The following NIBAN3 variants were observed in gnomAD, a reference collection of about 807,000 sequenced individuals.
The protein encoded by NIBAN3 is protein Niban 3.
NIBAN3 carries 66 observed loss-of-function variants against 76.4 expected under a neutral mutation model. The observed-to-expected ratio is 0.86, with a 90% CI of 0.71 to 1.06. NIBAN3 has a LOEUF of 1.06. Ranked by LOEUF, NIBAN3 falls within the 50% of genes least tolerant of loss-of-function variation. NIBAN3 has a pLI of 0.00. For synonymous variants in NIBAN3, 360 were observed against 355.2 expected, an observed-to-expected ratio of 1.01 and a Z score of -0.15; for missense variants, 808 against 810.7, an observed-to-expected ratio of 1.00 and a Z score of 0.04.
Position 17,542,898 on chromosome 19 carries a change from G to T in NIBAN3, c.1330-419G>T, listed in dbSNP as rs781063336. 5.9e-5 allele frequency among the ~76,000 whole-genome samples: 9 copies of T among 152,154 alleles called. No individual in the cohort carries two copies. Among genetic ancestry groups the T allele is most frequent in the Non-Finnish European group, 1.3e-4 (9 of 68,024 alleles). On this transcript the variant is annotated intron_variant, in intron 10 of 14. Transcript: ENST00000599164. This position sits in a 1 kb window ranked among gnomAD's most constrained non-coding sequence, Gnocchi z 4.8. ...GGATGGGGGATGTCAGTGGGGAGAA[G>T]CAATAAGTGTTTTGAAGTCTGAGAT...
downstream of NIBAN3, chr19:17,553,672 G>A (rs533850224): frequency 2.1e-5 from 19 of 918,770 alleles, no homozygotes; most frequent in South Asian, 2.1e-4. Flanking sequence ...CTTTTACCCC[G>A]GACGGGATGT....
At chr19:17,541,991 A>C in intron 9 of NIBAN3, 145 bp from the exon 10 acceptor site, 7 of 977,616 alleles carry the variant, frequency 7.2e-6, no homozygotes, top group East Asian at 2.6e-5. Flanking sequence ...GCCCACCACT[A>C]TTGTATTATG....
downstream of NIBAN3, chr19:17,555,475 C>G (rs1189293204): frequency 4.0e-6 from 1 of 251,946 alleles, no homozygotes; most frequent in East Asian, 1.0e-4. Context: ...CCCTTCCACG[C>G]GCTCCGAGCG....
intron 4 of NIBAN3, 46 bp downstream of exon 4, chr19:17,533,747 T>C: frequency 7.3e-7 from 1 of 1,376,154 alleles, no homozygotes; most frequent in Non-Finnish European, 1.0e-6. Context: ...CACCCCAGCA[T>C]CATTAACATG....
Position 17,530,835 on chromosome 19 carries a change from C to T in NIBAN3, c.136C>T (p.Arg46Ter), listed in dbSNP as rs755147076. The T allele has an allele frequency of 2.2e-5, 36 of 1,613,600 alleles. No individual in the cohort carries two copies. The highest frequency in any genetic ancestry group is 4.5e-5 in the East Asian group (2 of 44,842). Residue 46 changes from arginine to a stop codon, truncating the protein, a stop_gained, in exon 2 of 15, where the codon CGA becomes TGA. Coordinates refer to ENST00000599164, the MANE Select transcript of NIBAN3 (RefSeq NM_001321827.2). LOFTEE classifies it high-confidence loss of function. ...LAASVLRQIS[R>*]ELGPQEPTGS... ...AGCGTCTGTCCTGCGGCAGATCTCT[C>T]GAGAGCTGGGCCCTCAGGAGCCGAC...
upstream of NIBAN3, among the ~76,000 whole-genome samples, chr19:17,525,744 G>A (rs879653228): frequency 1.1e-3 from 169 of 152,290 alleles, no homozygotes; most frequent in African/African-American, 3.7e-3. Context: ...GGCAATGGGA[G>A]AGCTTCGGGA....
chr19:17,555,228 C>T (rs2076202176), downstream of NIBAN3, among the ~76,000 whole-genome samples: 2 of 152,180 alleles, frequency 1.3e-5, no homozygotes, highest in Admixed American at 1.3e-4. Context: ...CTCCACAACC[C>T]TCAATGACAT....
Position 17,532,257 on chromosome 19 carries a change from C to T in NIBAN3, c.187-6C>T, listed in dbSNP as rs774276867. ...CCCTGACACCCACTGCTCCCTCTTT[C>T]TGCAGAAGCTGCCCCGAGTCCGTGA... On this transcript the variant is annotated splice_region_variant and splice_polypyrimidine_tract_variant and intron_variant, in intron 2 of 14. Coordinates refer to ENST00000599164, the MANE Select transcript of NIBAN3 (RefSeq NM_001321827.2). The T allele has an allele frequency of 1.2e-6, 2 of 1,605,434 alleles. No homozygotes were observed. Among genetic ancestry groups the T allele is most frequent in the South Asian group, 1.1e-5 (1 of 89,948 alleles).
upstream of NIBAN3, chr19:17,527,119 C>G: frequency 1.7e-6 from 2 of 1,184,260 alleles, no homozygotes; most frequent in Non-Finnish European, 2.3e-6. Context: ...ACAACCTAAC[C>G]CCGGGGCTGT....
downstream of NIBAN3, among the ~76,000 whole-genome samples, chr19:17,554,929 C>CAA (rs539980884): frequency 3.3e-5 from 3 of 92,114 alleles, no homozygotes; most frequent in East Asian, 7.1e-4. Context: ...GACTCCGTCT[C>CAA]AAAAAAAAAA....
At chr19:17,525,699 G>A (rs189689522), upstream of NIBAN3, among the ~76,000 whole-genome samples, 4 of 152,206 alleles carry the variant, frequency 2.6e-5, no homozygotes, top group Admixed American at 6.5e-5. Context: ...CTCTTGGAGC[G>A]ATGAGGCTGG....
Position 17,528,543 on chromosome 19 carries a change from C to T in NIBAN3, c.55+1148C>T, listed in dbSNP as rs549403746. ...AGCGGGCAGGGACCAGCAGGCCCCT[C>T]GGTAGGACCCTGGGGATGGAGGCTC... is the stretch of plus-strand genomic sequence containing the variant. On this transcript the variant is annotated intron_variant, in intron 1 of 14. Transcript: ENST00000599164. Among the ~76,000 whole-genome samples, 14 of 152,260 alleles carry T rather than the reference C, an allele frequency of 9.2e-5. No homozygotes were observed. The East Asian group carries it at 2.1e-3, about 23-fold the overall frequency.
At chr19:17,551,094 T>G (rs2076147694) in intron 14 of NIBAN3, among the ~76,000 whole-genome samples, 1 of 151,790 alleles carries the variant, frequency 6.6e-6, no homozygotes, top group African/African-American at 2.4e-5. Context: ...TTCTTTTTAT[T>G]TATTTATTTA....
Position 17,537,370 on chromosome 19 carries a change from T to C in NIBAN3, c.428-6T>C. 1 of 1,612,472 alleles carries C rather than the reference T, an allele frequency of 6.2e-7. No individual in the cohort carries two copies. The highest frequency in any genetic ancestry group is 1.3e-5 in the African/African-American group (1 of 74,986). On this transcript the variant is annotated splice_region_variant and splice_polypyrimidine_tract_variant and intron_variant, in intron 4 of 14. Transcript: ENST00000599164. Reference sequence around the variant, plus strand: ...CTAGAAGATGCGACCTCCTGTTTGTTTTCAGGAGACCATACTCAGGAAGAG... The same window carrying C: ...CTAGAAGATGCGACCTCCTGTTTGTCTTCAGGAGACCATACTCAGGAAGAG...
At chr19:17,540,357 G>A (rs528871691) in intron 8 of NIBAN3, 35 bp from the exon 9 acceptor site, 1 of 1,404,004 alleles carries the variant, frequency 7.1e-7, no homozygotes, top group Non-Finnish European at 9.4e-7. Context: ...GGCACCTTGC[G>A]GAGGGGACTC....
chr19:17,551,541 G>A (rs1209519303), intron 14 of NIBAN3, among the ~76,000 whole-genome samples: 4 of 151,894 alleles, frequency 2.6e-5, no homozygotes, highest in Non-Finnish European at 5.9e-5. Context: ...CCGAGTAGCT[G>A]GGATTACAGG....
upstream of NIBAN3, chr19:17,527,211 T>TGGGGCAGGGGC (rs1267016766): frequency 3.7e-5 from 55 of 1,486,204 alleles, no homozygotes; most frequent in African/African-American, 7.7e-4. Context: ...CAGCGTGGGG[T>TGGGGCAGGGGC]GGGGCAGGGG....
chr19:17,537,981 TGGG>T (rs1244019462), intron 5 of NIBAN3, among the ~76,000 whole-genome samples: 1 of 150,760 alleles, frequency 6.6e-6, no homozygotes, highest in Non-Finnish European at 1.5e-5. Flanking sequence ...AATGGGTTGT[TGGG>T]GGAGCCAGAA....
In NIBAN3 at chr19:17,533,583, G is replaced by A. The variant is rs1458411697; in HGVS notation, c.313-4G>A. On this transcript the variant is annotated splice_polypyrimidine_tract_variant and splice_region_variant and intron_variant, in intron 3 of 14. Coordinates refer to ENST00000599164, the MANE Select transcript of NIBAN3 (RefSeq NM_001321827.2). ...CAGGTTGGTTCTCTGGGTACCTTTT[G>A]TAGGAATATGAAAACGGGGGCCACT... 6.2e-7 allele frequency: 1 copy of A among 1,610,712 alleles called. No individual in the cohort carries two copies. The highest frequency in any genetic ancestry group is 1.3e-5 in the African/African-American group (1 of 74,952).
Sources: gnomAD v4.1 joint callset for allele counts (sites outside exome capture counted in the v4.1 genomes callset) on GRCh38, gnomAD v4.1.1 for gene constraint, Gnocchi (gnomAD v3.1) non-coding constraint, MANE v1.5 for transcripts, NCBI Gene and HGNC (gene_info 2026-07-23, HGNC 2026-07-21) for gene names.